PRKD3: variants seen among roughly 807,000 people sequenced by gnomAD.
PRKD3 encodes the protein protein kinase D3, also known as serine/threonine-protein kinase D3.
PRKD3 carries 47 observed loss-of-function variants against 99.2 expected under a neutral mutation model. The ratio of observed to expected loss-of-function variants is 0.47; its 90% CI spans 0.38 to 0.60. PRKD3 has a LOEUF of 0.60. PRKD3 is among the 20% of genes least tolerant of loss of function. The pLI, the probability that PRKD3 is intolerant of heterozygous loss-of-function variation, is 0.00. For missense variants in PRKD3, 1,019 were observed against 1,088.4 expected (o/e 0.94, Z 0.90); for synonymous variants, 392 against 355.4 (o/e 1.10, Z -1.16).
At chr2:37,272,989 G>A (rs1156637843) in intron 11 of PRKD3, among the ~76,000 whole-genome samples, 1 of 151,774 alleles carries the variant, frequency 6.6e-6, no homozygotes, top group African/African-American at 2.4e-5. Context: ...CTTGGTGGGG[G>A]GAGGGGGGGA....
chr2:37,323,408 T>A (rs1671966361), intron 1 of PRKD3, among the ~76,000 whole-genome samples: 1 of 151,926 alleles, frequency 6.6e-6, no homozygotes, highest in African/African-American at 2.4e-5. Context: ...CCACCACAAC[T>A]GTATTACTAC....
intron 14 of PRKD3, among the ~76,000 whole-genome samples, chr2:37,264,202 T>C (rs13422798): frequency 0.069 from 10,436 of 152,244 alleles, 461 homozygotes; most frequent in African/African-American, 0.13. Context: ...TAACTGTATA[T>C]AGACATACAT....
intron 16 of PRKD3, among the ~76,000 whole-genome samples, chr2:37,259,217 C>A (rs1668222446): frequency 6.6e-6 from 1 of 152,142 alleles, no homozygotes; most frequent in African/African-American, 2.4e-5. Flanking sequence ...TGGCTGCCTG[C>A]CTCAACCAAA....
In PRKD3 at chr2:37,253,074, A is replaced by G. The variant is rs1391325290; in HGVS notation, c.*103T>C. 4.2e-6 allele frequency: 5 copies of G among 1,199,302 alleles called. No individual in the cohort carries two copies. The highest frequency in any genetic ancestry group is 2.4e-5 in the East Asian group (1 of 41,498). The allele number at this position is 1,199,302 out of a possible 1,614,324, so 74.3% of individuals were successfully genotyped here. Reference sequence around the variant, plus strand: ...CACTTATTCGTTATCATATTTCTTCATATCTTTGCAGCACTGCAGATGACA... The same window carrying G: ...CACTTATTCGTTATCATATTTCTTCGTATCTTTGCAGCACTGCAGATGACA... On this transcript the variant is annotated 3_prime_UTR_variant, in exon 19 of 19. Transcript: ENST00000234179.
At chr2:37,280,320 C>T (rs929271213) in intron 7 of PRKD3, among the ~76,000 whole-genome samples, 1 of 152,136 alleles carries the variant, frequency 6.6e-6, no homozygotes, top group African/African-American at 2.4e-5. Context: ...GCTGGGATTA[C>T]AGGCGTGAGC....
chr2:37,307,066 G>A (rs1463605518), intron 2 of PRKD3, among the ~76,000 whole-genome samples: 1 of 152,130 alleles, frequency 6.6e-6, no homozygotes, highest in Admixed American at 6.5e-5. Context: ...GTTGTATGGG[G>A]CATCATAGCA....
chr2:37,305,620 A>G (rs1356834940), intron 2 of PRKD3, among the ~76,000 whole-genome samples: 1 of 152,220 alleles, frequency 6.6e-6, no homozygotes, highest in African/African-American at 2.4e-5. Flanking sequence ...AAAACTCTTA[A>G]AACAAGTAAT....
intron 2 of PRKD3, among the ~76,000 whole-genome samples, chr2:37,308,052 T>C (rs1266654433): frequency 6.6e-6 from 1 of 152,226 alleles, no homozygotes; most frequent in Non-Finnish European, 1.5e-5. Context: ...ACCTAAACTA[T>C]ATTTTAAAAC....
chr2:37,252,180 G>C lies in PRKD3; in HGVS notation c.*997C>G, dbSNP rs931297969. 6.6e-6 allele frequency: 1 copy of C among 152,130 alleles called. No individual in the cohort carries two copies. The highest frequency in any genetic ancestry group is 1.5e-5 in the Non-Finnish European group (1 of 68,022). 9.4% of individuals were successfully genotyped at this position (152,130 alleles called of 1,614,324 possible). A position where few individuals can be genotyped will look rare whatever the true frequency, so the allele number is the denominator to read the frequency against. ...ATATCTGCAAAGCCCAATAGGCTAG[G>C]GGAAGGAGAAAAAAGGATACTGTTT... On this transcript the variant is annotated 3_prime_UTR_variant, in exon 19 of 19. Coordinates refer to ENST00000234179, the MANE Select transcript of PRKD3 (RefSeq NM_005813.6).
At chr2:37,295,450 C>A (rs147017134) in intron 2 of PRKD3, among the ~76,000 whole-genome samples, 2 of 151,956 alleles carry the variant, frequency 1.3e-5, no homozygotes, top group Admixed American at 1.3e-4. Context: ...AAATGGAAGA[C>A]GGTAAGTGGA....
At chr2:37,277,613 T>A (rs1267061396) in intron 9 of PRKD3, among the ~76,000 whole-genome samples, 1 of 152,214 alleles carries the variant, frequency 6.6e-6, no homozygotes, top group African/African-American at 2.4e-5. Flanking sequence ...TAATTATTTT[T>A]TATTGTGGAA....
chr2:37,317,220 C>T (rs895208546), intron 1 of PRKD3, 41 bp from the exon 2 acceptor site: 18 of 778,402 alleles, frequency 2.3e-5, no homozygotes, highest in Non-Finnish European at 2.8e-5. Flanking sequence ...ACTTTATATT[C>T]ATTCGACATT....
chr2:37,272,469 C>T (rs1384589842), intron 11 of PRKD3, 37 bp from the exon 12 acceptor site: 4 of 1,572,272 alleles, frequency 2.5e-6, no homozygotes, highest in Non-Finnish European at 3.4e-6. Flanking sequence ...TAGTATATGA[C>T]AATATTATTA....
intron 3 of PRKD3, among the ~76,000 whole-genome samples, chr2:37,292,015 G>A (rs1051475929): frequency 1.3e-5 from 2 of 152,184 alleles, no homozygotes; most frequent in South Asian, 4.1e-4. Flanking sequence ...GCAAGAATGC[G>A]TGAGGTGGAA....
chr2:37,316,617 C>G lies in PRKD3; in HGVS notation c.-93G>C. The G allele has an allele frequency of 6.6e-7, 1 of 1,508,940 alleles. No individual in the cohort carries two copies. The highest frequency in any genetic ancestry group is 1.4e-5 in the South Asian group (1 of 72,856). The allele number at this position is 1,508,940 out of a possible 1,614,324, so 93.5% of individuals were successfully genotyped here. On this transcript the variant is annotated 5_prime_UTR_variant, in exon 2 of 19. Coordinates refer to ENST00000234179, the MANE Select transcript of PRKD3 (RefSeq NM_005813.6). ...ATAACAGCAGTAAAGAAAATGACCGCACTTTTGGATTTAGTTGAAAACTTC... is the reference window on the plus strand; with the variant it reads ...ATAACAGCAGTAAAGAAAATGACCGGACTTTTGGATTTAGTTGAAAACTTC...
Position 37,253,107 on chromosome 2 carries a change from A to G in PRKD3, c.*70T>C, listed in dbSNP as rs563387887. 1.1e-4 allele frequency: 154 copies of G among 1,449,518 alleles called. No homozygotes were observed. In the South Asian group the frequency reaches 1.9e-3, roughly 18 times the overall value. The allele number at this position is 1,449,518 out of a possible 1,614,324, so 89.8% of individuals were successfully genotyped here. ...GCAGCACTGCAGATGACAATCTACA[A>G]AGAACAAGTTACACAGCAAAATATC... On this transcript the variant is annotated 3_prime_UTR_variant, in exon 19 of 19. Coordinates refer to ENST00000234179, the MANE Select transcript of PRKD3 (RefSeq NM_005813.6).
At chr2:37,257,019 A>C in intron 16 of PRKD3, 90 bp from the exon 17 acceptor site, 1 of 1,341,884 alleles carries the variant, frequency 7.5e-7, no homozygotes, top group South Asian at 1.3e-5. Context: ...GTATCATTTC[A>C]ACATACTTGC....
chr2:37,292,566 TTGATCTCC>T (rs1311297237), intron 3 of PRKD3, among the ~76,000 whole-genome samples: 1 of 152,126 alleles, frequency 6.6e-6, no homozygotes, highest in Non-Finnish European at 1.5e-5. Flanking sequence ...CAGGATGGTC[TTGATCTCC>T]TGACCTCGTG....
In PRKD3 at chr2:37,289,409, G is replaced by A. The variant is rs1175826287; in HGVS notation, c.664C>T (p.Leu222Phe). ...GGCTGTAGGGGTCTTGGAACTGAGA[G>A]GCCGGGTCCTGGTAAAGATACATTT... ...LSNVSLPGPG[L>F]SVPRPLQPEY... Residue 222 changes from leucine (L) to phenylalanine (F), a missense_variant, in exon 5 of 19, where the codon CTC becomes TTC. Coordinates refer to ENST00000234179, the MANE Select transcript of PRKD3 (RefSeq NM_005813.6). The A allele has an allele frequency of 5.6e-6, 9 of 1,613,970 alleles. No homozygotes were observed. The highest frequency in any genetic ancestry group is 7.6e-6 in the Non-Finnish European group (9 of 1,180,010).
Sources: allele counts gnomAD v4.1 joint callset (sites outside exome capture counted in the v4.1 genomes callset), GRCh38; gene constraint gnomAD v4.1.1; transcripts MANE v1.5; gene names NCBI Gene and HGNC (gene_info 2026-07-23, HGNC 2026-07-21).